RBM20: variants seen among roughly 807,000 people sequenced by gnomAD.
RBM20 encodes RNA-binding protein 20.
Under a neutral mutation model 110.1 loss-of-function variants are expected in RBM20, and 51 were observed. The observed-to-expected ratio is 0.46, with a 90% CI of 0.37 to 0.59. The LOEUF is 0.59. RBM20 is among the 20% of genes least tolerant of loss of function. The pLI, the probability that RBM20 is intolerant of heterozygous loss-of-function variation, is 0.00. For synonymous variants in RBM20, 589 were observed against 618.2 expected, an observed-to-expected ratio of 0.95 and a Z score of 0.70; for missense variants, 1,512 against 1,574.9, an observed-to-expected ratio of 0.96 and a Z score of 0.68.
chr10:110,649,067 A>C (rs1239390404), intron 1 of RBM20, among the ~76,000 whole-genome samples: 1 of 152,106 alleles, frequency 6.6e-6, no homozygotes, highest in Non-Finnish European at 1.5e-5. Flanking sequence ...CAGTTTATCT[A>C]ATTAATAATT....
chr10:110,693,404 T>A (rs1008437168), intron 1 of RBM20, among the ~76,000 whole-genome samples: 2 of 152,218 alleles, frequency 1.3e-5, no homozygotes, highest in Non-Finnish European at 2.9e-5. Flanking sequence ...ATTTTCTTTG[T>A]TAGGAGGTTT....
At chr10:110,799,306 G>T (rs930010614) in intron 6 of RBM20, among the ~76,000 whole-genome samples, 2 of 152,150 alleles carry the variant, frequency 1.3e-5, no homozygotes, top group Admixed American at 6.5e-5. Context: ...TGTAGCCCAG[G>T]ACAGACATAC....
At chr10:110,738,098 A>C (rs1335664510) in intron 1 of RBM20, among the ~76,000 whole-genome samples, 2 of 152,208 alleles carry the variant, frequency 1.3e-5, no homozygotes, top group African/African-American at 4.8e-5. Flanking sequence ...AGCATTAATT[A>C]AGCAAACACC....
chr10:110,793,964 C>T (rs986195599), intron 5 of RBM20, among the ~76,000 whole-genome samples: 1 of 152,168 alleles, frequency 6.6e-6, no homozygotes, highest in South Asian at 2.1e-4. Flanking sequence ...TAAGAGAGCC[C>T]GGGTTGGGAA....
chr10:110,724,060 A>T (rs1019099463), intron 1 of RBM20, among the ~76,000 whole-genome samples: 1 of 152,212 alleles, frequency 6.6e-6, no homozygotes, highest in Non-Finnish European at 1.5e-5. Context: ...ACTAGCCAAA[A>T]GTTACCGGGT....
intron 1 of RBM20, among the ~76,000 whole-genome samples, chr10:110,701,001 A>T (rs1281688633): frequency 2.0e-5 from 3 of 152,092 alleles, no homozygotes; most frequent in Non-Finnish European, 4.4e-5. Flanking sequence ...GGTGGCTGAG[A>T]AAGACTCCGT....
chr10:110,832,844 CA>C (rs1342634017), intron 13 of RBM20, among the ~76,000 whole-genome samples: 4 of 152,190 alleles, frequency 2.6e-5, no homozygotes, highest in Non-Finnish European at 4.4e-5. Flanking sequence ...CTGAGGCAGC[CA>C]CAGCACCTGT....
intron 9 of RBM20, among the ~76,000 whole-genome samples, chr10:110,816,340 C>G: frequency 6.9e-6 from 1 of 145,866 alleles, no homozygotes; most frequent in East Asian, 2.1e-4. Context: ...CAGACCATCT[C>G]AACACCCCAA....
chr10:110,729,811 C>A (rs1440497166), intron 1 of RBM20, among the ~76,000 whole-genome samples: 2 of 152,132 alleles, frequency 1.3e-5, no homozygotes, highest in African/African-American at 4.8e-5. Flanking sequence ...AATGTCATTT[C>A]TTCCCCCTTT....
At position 110,836,242 on chromosome 10, in the gene RBM20, G is replaced by A. The variant is rs531077818; in HGVS notation, c.*264G>A. ...CTTGTTTCTCTCAATCTTTCAATTC[G>A]TTTTTCTCTCTTTTCCTCTTGTTCT... On this transcript the variant is annotated 3_prime_UTR_variant, in exon 14 of 14. Coordinates refer to ENST00000369519, the MANE Select transcript of RBM20 (RefSeq NM_001134363.3). 12 of 284,098 alleles carry A rather than the reference G, an allele frequency of 4.2e-5. No homozygotes were observed. The highest frequency in any genetic ancestry group is 2.0e-4 in the African/African-American group (9 of 46,104). The allele number at this position is 284,098 out of a possible 1,614,324, so 17.6% of individuals were successfully genotyped here.
At chr10:110,663,647 T>A (rs749673129) in intron 1 of RBM20, among the ~76,000 whole-genome samples, 1 of 152,198 alleles carries the variant, frequency 6.6e-6, no homozygotes, top group Non-Finnish European at 1.5e-5. Context: ...ATAAAAAAAT[T>A]AAATTCACAT....
At chr10:110,830,614 A>G (rs1845038644) in intron 12 of RBM20, among the ~76,000 whole-genome samples, 1 of 152,176 alleles carries the variant, frequency 6.6e-6, no homozygotes, top group African/African-American at 2.4e-5. Context: ...TGTAAAGAAC[A>G]TAATTCTAAA....
chr10:110,830,911 G>A, intron 12 of RBM20, 150 bp from the exon 13 acceptor site: 1 of 702,298 alleles, frequency 1.4e-6, no homozygotes, highest in Non-Finnish European at 2.3e-6. Context: ...AGGAAACTGA[G>A]GCTTGGAGAA....
chr10:110,780,930 G>C lies in RBM20; in HGVS notation c.321G>C (p.Gln107His), dbSNP rs1413181007. ...QLTLHRLKLA[Q>H]TAVTNNTAAA... ...CCCTCCACCGGCTGAAGCTGGCACA[G>C]ACAGCTGTCACCAACAACACTGCAG... The change falls in exon 2 of 14, where the codon CAG (glutamine) becomes CAC (histidine). Residue 107 changes from glutamine (Q) to histidine (H), a missense_variant. Transcript: ENST00000369519. 21 of 1,551,544 alleles carry C rather than the reference G, an allele frequency of 1.4e-5. No homozygotes were observed. The highest frequency in any genetic ancestry group is 1.7e-5 in the Non-Finnish European group (20 of 1,146,996).
At chr10:110,775,653 G>A (rs17830446) in intron 1 of RBM20, among the ~76,000 whole-genome samples, 27,558 of 152,044 alleles carry the variant, frequency 0.18, 2,633 homozygotes, top group South Asian at 0.34. Context: ...GATGATGATA[G>A]TGACCCTGTA....
Position 110,812,696 on chromosome 10 carries a change from A to G in RBM20, c.2299A>G (p.Lys767Glu), listed in dbSNP as rs775075323. The G allele has an allele frequency of 6.4e-7, 1 of 1,551,740 alleles. No individual in the cohort carries two copies. The highest frequency in any genetic ancestry group is 1.2e-5 in the South Asian group (1 of 84,060). The part of the protein sequence containing the change: ...DGYYRKEPKA[K>E]SDKYLKQQQD... ...CTACTACCGGAAAGAGCCCAAAGCC[A>G]AGTCGGACAAGTATCTGAAGCAGCA... Residue 767 changes from lysine to glutamate, a missense_variant, in exon 9 of 14, where the codon AAG becomes GAG. Physicochemically the swap from Lys to Glu is moderately conservative, Grantham distance 56. Coordinates refer to ENST00000369519, the MANE Select transcript of RBM20 (RefSeq NM_001134363.3).
chr10:110,792,883 A>G (rs1214100755), intron 5 of RBM20, among the ~76,000 whole-genome samples: 1 of 152,202 alleles, frequency 6.6e-6, no homozygotes, highest in Non-Finnish European at 1.5e-5. Context: ...GCATGGTTAA[A>G]CAGCCAATTA....
At chr10:110,682,102 G>A (rs1389309049) in intron 1 of RBM20, among the ~76,000 whole-genome samples, 1 of 152,102 alleles carries the variant, frequency 6.6e-6, no homozygotes, top group African/African-American at 2.4e-5. Context: ...ATGCTGGCAA[G>A]GCTGATCTCG....
intron 1 of RBM20, among the ~76,000 whole-genome samples, chr10:110,715,442 C>A (rs1394436294): frequency 6.6e-6 from 1 of 152,224 alleles, no homozygotes; most frequent in Non-Finnish European, 1.5e-5. Context: ...TGGTTGAGTA[C>A]TGTAGATGGC....
Sources: allele counts gnomAD v4.1 joint callset (sites outside exome capture counted in the v4.1 genomes callset), GRCh38; gene constraint gnomAD v4.1.1; transcripts MANE v1.5; gene names NCBI Gene and HGNC (gene_info 2026-07-23, HGNC 2026-07-21).